Variants in SASS6 observed in about 807,000 individuals in gnomAD.
SASS6 encodes the protein SAS-6 centriolar assembly protein.
In SASS6, 59 loss-of-function variants were observed where a neutral mutation model predicts 94.9. The ratio of observed to expected loss-of-function variants is 0.62; its 90% confidence interval spans 0.50 to 0.77. The LOEUF (loss-of-function observed/expected upper bound fraction) is 0.77. SASS6 is among the 30% of genes least tolerant of loss of function. The pLI, the probability that SASS6 is intolerant of heterozygous loss-of-function variation, is 0.00. For synonymous variants in SASS6, 264 were observed against 270.0 expected (o/e 0.98, Z 0.22); for missense variants, 698 against 734.1 (o/e 0.95, Z 0.57).
At chr1:100,087,390 G>T (rs1651387455) in intron 15 of SASS6, among the ~76,000 whole-genome samples, 1 of 152,180 alleles carries the variant, frequency 6.6e-6, no homozygotes, top group South Asian at 2.1e-4. Flanking sequence ...TTGTAATGTA[G>T]AACTAGGATG....
chr1:100,110,238 CCAAAT>C, intron 8 of SASS6, 49 bp downstream of exon 8: 1 of 1,135,966 alleles, frequency 8.8e-7, no homozygotes, highest in East Asian at 2.5e-5. Flanking sequence ...ATTAAAATAA[CCAAAT>C]CAAAACGTTC....
intron 1 of SASS6, among the ~76,000 whole-genome samples, chr1:100,126,438 T>G (rs894507129): frequency 2.6e-5 from 4 of 152,222 alleles, no homozygotes; most frequent in Admixed American, 6.5e-5. Context: ...AAAATTACCA[T>G]GTCATGTAAT....
rs747332016 is a variant in SASS6 at position 100,105,832 on chromosome 1, T to C, written c.1480A>G (p.Thr494Ala). Reference sequence around the variant, plus strand: ...CTGCTGGAATGTGCAGGCGGAGTAGTAGAAGGTCCCAATACATCTTGCTTT... The same window carrying C: ...CTGCTGGAATGTGCAGGCGGAGTAGCAGAAGGTCCCAATACATCTTGCTTT... The part of the protein sequence containing the change: ...VRKQDVLGPS[T>A]TPPAHSSSNT... Residue 494 changes from threonine (T) to alanine (A), a missense_variant, in exon 13 of 17, where the codon ACT becomes GCT. Transcript: ENST00000287482. 1.9e-6 allele frequency: 3 copies of C among 1,612,908 alleles called. No individual in the cohort carries two copies. Among genetic ancestry groups the C allele is most frequent in the East Asian group, 2.2e-5 (1 of 44,844 alleles).
intron 14 of SASS6, among the ~76,000 whole-genome samples, chr1:100,102,024 T>C (rs2101655198): frequency 6.6e-6 from 1 of 152,278 alleles, no homozygotes; most frequent in Non-Finnish European, 1.5e-5. Flanking sequence ...TAAACCTGGA[T>C]CTGAAGTTAG....
rs1420106751 is a variant in SASS6 at position 100,092,806 on chromosome 1, AC to A, written c.1675-4571del. 5.3e-5 allele frequency among the ~76,000 whole-genome samples: 8 copies of A among 152,064 alleles called. No homozygotes were observed. The East Asian group carries it at 1.2e-3, about 22-fold the overall frequency. ...TAGCCAGGATGGTCTCGATCTCCTGACCTTGTGATCCACGTGCCTCGGCCTC... is the reference window on the plus strand; with the variant it reads ...TAGCCAGGATGGTCTCGATCTCCTGACTTGTGATCCACGTGCCTCGGCCTC... On this transcript the variant is annotated intron_variant, in intron 14 of 16. Coordinates refer to ENST00000287482, the MANE Select transcript of SASS6 (RefSeq NM_194292.3).
chr1:100,128,990 G>C (rs1654825106), intron 1 of SASS6, among the ~76,000 whole-genome samples: 1 of 152,150 alleles, frequency 6.6e-6, no homozygotes, highest in Non-Finnish European at 1.5e-5. Context: ...TGTAATCCCA[G>C]CACTTTGGGA....
At chr1:100,112,762 A>G (rs1334097395) in intron 7 of SASS6, among the ~76,000 whole-genome samples, 1 of 152,216 alleles carries the variant, frequency 6.6e-6, no homozygotes, top group Non-Finnish European at 1.5e-5. Flanking sequence ...AGTGGTTATC[A>G]AAGTACGGTC....
In SASS6 at chr1:100,121,404, G is replaced by C; in HGVS notation, c.457C>G (p.Leu153Val). ...PGNDVEIKKF[L>V]AGCLKCSKEE... ...TTGCTACATTTCAAACAGCCTGCGAGAAATTTCTTTATCTCCACATCATTT... is the reference window on the plus strand; with the variant it reads ...TTGCTACATTTCAAACAGCCTGCGACAAATTTCTTTATCTCCACATCATTT... Residue 153 changes from leucine (L) to valine (V), a missense_variant, in exon 5 of 17, where the codon CTC becomes GTC. Leu to Val is a conservative substitution (Grantham distance 32, BLOSUM62 1). Coordinates refer to ENST00000287482, the MANE Select transcript of SASS6 (RefSeq NM_194292.3). The C allele has an allele frequency of 6.3e-7, 1 of 1,581,038 alleles. No homozygotes were observed. The highest frequency in any genetic ancestry group is 8.5e-7 in the Non-Finnish European group (1 of 1,169,884).
Position 100,085,635 on chromosome 1 carries a change from A to G in SASS6, c.1773-5T>C, listed in dbSNP as rs1296314486. 1 of 1,551,638 alleles carries G rather than the reference A, an allele frequency of 6.4e-7. No homozygotes were observed. The highest frequency in any genetic ancestry group is 8.9e-7 in the Non-Finnish European group (1 of 1,126,128). On this transcript the variant is annotated splice_region_variant and splice_polypyrimidine_tract_variant and intron_variant, in intron 15 of 16. Coordinates refer to ENST00000287482, the MANE Select transcript of SASS6 (RefSeq NM_194292.3). The stretch of plus-strand genomic sequence containing the variant: ...TCCAACCCTACATTTTCACCACTTA[A>G]AAAGAAAATGGTAATAACTTATTTA...
chr1:100,107,766 TATAA>T, intron 9 of SASS6, 40 bp downstream of exon 9: 1 of 1,551,368 alleles, frequency 6.4e-7, no homozygotes, highest in Non-Finnish European at 8.9e-7. Context: ...TGTGTTTACT[TATAA>T]ATATGATTAT....
chr1:100,091,477 G>T (rs1468735862), intron 14 of SASS6, among the ~76,000 whole-genome samples: 2 of 151,550 alleles, frequency 1.3e-5, no homozygotes, highest in Non-Finnish European at 2.9e-5. Flanking sequence ...AGAGTACTAG[G>T]GAAATGTAAG....
chr1:100,118,913 C>T (rs1653972759), intron 7 of SASS6, 105 bp downstream of exon 7: 5 of 669,188 alleles, frequency 7.5e-6, no homozygotes, highest in African/African-American at 1.8e-5. Context: ...TTATATACTT[C>T]TGTAACGTTT....
chr1:100,117,159 T>G (rs1653851383), intron 7 of SASS6, among the ~76,000 whole-genome samples: 1 of 151,442 alleles, frequency 6.6e-6, no homozygotes. Context: ...CCGGGCATGG[T>G]GGCACATGTG....
chr1:100,110,446 T>G lies in SASS6; in HGVS notation c.707A>C (p.Lys236Thr), dbSNP rs1557888054. 1 of 1,610,700 alleles carries G rather than the reference T, an allele frequency of 6.2e-7. No individual in the cohort carries two copies. Among genetic ancestry groups the G allele is most frequent in the Admixed American group, 1.7e-5 (1 of 59,566 alleles). Residue 236 changes from lysine (K) to threonine (T), a missense_variant, in exon 8 of 17, where the codon AAA (lysine) becomes ACA (threonine). Coordinates refer to ENST00000287482, the MANE Select transcript of SASS6 (RefSeq NM_194292.3). ...TTGATGGAGGATTTCTAAATCTTTTTTCTGTTGTTCATGCTGCTGTTGATA... is the reference window on the plus strand; with the variant it reads ...TTGATGGAGGATTTCTAAATCTTTTGTCTGTTGTTCATGCTGCTGTTGATA... The part of the protein sequence containing the change: ...VQYQQQHEQQ[K>T]KDLEILHQQN...
At chr1:100,123,505 T>G (rs1232523613) in intron 2 of SASS6, among the ~76,000 whole-genome samples, 1 of 152,234 alleles carries the variant, frequency 6.6e-6, no homozygotes, top group Non-Finnish European at 1.5e-5. Flanking sequence ...CATGGAGGTC[T>G]GTAAAAGTTA....
intron 7 of SASS6, among the ~76,000 whole-genome samples, chr1:100,115,588 A>T (rs2658649): frequency 6.6e-6 from 1 of 152,158 alleles, no homozygotes; most frequent in Non-Finnish European, 1.5e-5. Context: ...AGCACTTTGG[A>T]AAGCCAAGGA....
At chr1:100,095,835 TA>T (rs1557881148) in intron 14 of SASS6, among the ~76,000 whole-genome samples, 1 of 152,066 alleles carries the variant, frequency 6.6e-6, no homozygotes. Flanking sequence ...ATAAAACACT[TA>T]AGAATAAATT....
chr1:100,091,436 A>C (rs1251546796), intron 14 of SASS6, among the ~76,000 whole-genome samples: 1 of 152,108 alleles, frequency 6.6e-6, no homozygotes, highest in African/African-American at 2.4e-5. Flanking sequence ...TAATATTCTA[A>C]TGTCCAGGAT....
intron 14 of SASS6, among the ~76,000 whole-genome samples, chr1:100,098,145 G>T (rs1049228461): frequency 1.3e-4 from 20 of 151,600 alleles, no homozygotes; most frequent in African/African-American, 4.9e-4. Flanking sequence ...GTATAATGAA[G>T]AATAAAAACA....
Sources: gnomAD v4.1 joint callset for allele counts (sites outside exome capture counted in the v4.1 genomes callset) on GRCh38, gnomAD v4.1.1 for gene constraint, MANE v1.5 for transcripts, NCBI Gene and HGNC (gene_info 2026-07-23, HGNC 2026-07-21) for gene names.